Variants in CSMD1 observed in about 807,000 individuals in gnomAD.
The protein encoded by CSMD1 is CUB and sushi domain-containing protein 1.
In CSMD1, 213 loss-of-function variants were observed where a neutral mutation model predicts 417.5. The observed-to-expected ratio is 0.51, with a 90% CI of 0.46 to 0.57. The LOEUF (loss-of-function observed/expected upper bound fraction) is 0.57. Among genes scored for constraint, CSMD1 ranks in the 20% least tolerant of loss-of-function variants. The pLI, the probability that CSMD1 is intolerant of heterozygous loss-of-function variation, is 0.00. For synonymous variants in CSMD1, 2,862 were observed against 1,736.8 expected (o/e 1.65, Z -16.11); for missense variants, 6,923 against 4,529.7 (o/e 1.53, Z -15.17).
chr8:3,680,875 T>C (rs1799618957), intron 7 of CSMD1, among the ~76,000 whole-genome samples: 1 of 152,224 alleles, frequency 6.6e-6, no homozygotes, highest in South Asian at 2.1e-4. Context: ...GATGCAAGGC[T>C]GGTTCAATAT....
chr8:3,540,658 T>C (rs1798398813), intron 10 of CSMD1, among the ~76,000 whole-genome samples: 1 of 151,974 alleles, frequency 6.6e-6, no homozygotes, highest in Admixed American at 6.6e-5. Flanking sequence ...ATATCCAGAA[T>C]CTACAAGGAA....
intron 5 of CSMD1, among the ~76,000 whole-genome samples, chr8:3,802,225 A>T (rs1800494383): frequency 6.6e-6 from 1 of 152,188 alleles, no homozygotes; most frequent in South Asian, 2.1e-4. Flanking sequence ...ATTCTTAAAA[A>T]TATACATGAT....
intron 1 of CSMD1, among the ~76,000 whole-genome samples, chr8:4,941,220 AAACATTGT>A (rs1229058942): frequency 6.6e-6 from 1 of 152,224 alleles, no homozygotes; most frequent in Non-Finnish European, 1.5e-5. Flanking sequence ...CAAAACAACA[AAACATTGT>A]AACATTGTAA....
chr8:3,447,902 C>T (rs1040563708), intron 12 of CSMD1, among the ~76,000 whole-genome samples: 1 of 152,092 alleles, frequency 6.6e-6, no homozygotes, highest in Non-Finnish European at 1.5e-5. Context: ...AGCAATGTAA[C>T]CCCAGAGGAG....
rs1014879996 is a variant in CSMD1, at chr8:3,850,332, C to G, written c.819-96290G>C. Among the ~76,000 whole-genome samples the G allele has an allele frequency of 8.1e-5, 12 of 147,754 alleles. No homozygotes were observed. The East Asian group carries it at 2.3e-3, about 29-fold the overall frequency. ...CTTTGTTTTCCATAGGGTCTCACCC[C>G]TGACTCTTTCTACTATCCTTGCCTT... On this transcript the variant is annotated intron_variant, in intron 5 of 69. Coordinates refer to ENST00000635120, the MANE Select transcript of CSMD1 (RefSeq NM_033225.6).
rs529724206 is a variant in CSMD1 at position 3,734,554 on chromosome 8, T to C, written c.931+19376A>G. 3.0e-4 allele frequency among the ~76,000 whole-genome samples: 45 copies of C among 152,200 alleles called. 1 individual carries two copies. In the South Asian group the frequency reaches 9.1e-3, roughly 31 times the overall value. ...GGTGAAACCCTGTCTCTACTAAAAA[T>C]ACCCAAAATAGCTAGGCCTGGTGGC... On this transcript the variant is annotated intron_variant, in intron 6 of 69. Transcript: ENST00000635120.
chr8:3,656,136 C>A (rs763459505), intron 7 of CSMD1, among the ~76,000 whole-genome samples: 2 of 152,074 alleles, frequency 1.3e-5, no homozygotes, highest in Non-Finnish European at 2.9e-5. Context: ...CTCATTGGGG[C>A]GAAAGCCTCT....
chr8:4,395,486 C>G (rs1283747992), intron 3 of CSMD1, among the ~76,000 whole-genome samples: 1 of 150,694 alleles, frequency 6.6e-6, no homozygotes, highest in East Asian at 1.9e-4. Flanking sequence ...ATGAAGAATA[C>G]AAATCTCCAC....
intron 3 of CSMD1, among the ~76,000 whole-genome samples, chr8:4,086,846 T>G (rs949621252): frequency 1.3e-5 from 2 of 152,170 alleles, no homozygotes; most frequent in South Asian, 4.1e-4. Context: ...TTGTCAAATT[T>G]CATCACGTTT....
chr8:2,951,359 C>G (rs762646962), intron 65 of CSMD1, 84 bp from the exon 66 acceptor site: 106 of 1,375,814 alleles, frequency 7.7e-5, no homozygotes, highest in Middle Eastern at 1.8e-4. Context: ...AGGCATCATA[C>G]TGCTTAGCGA....
chr8:4,048,073 G>T (rs1243034879), intron 3 of CSMD1, among the ~76,000 whole-genome samples: 1 of 152,126 alleles, frequency 6.6e-6, no homozygotes. Flanking sequence ...AATATTTTGT[G>T]CATTCCTAAT....
intron 3 of CSMD1, among the ~76,000 whole-genome samples, chr8:4,414,754 A>C (rs979953360): frequency 3.3e-5 from 5 of 152,172 alleles, no homozygotes; most frequent in Non-Finnish European, 5.9e-5. Context: ...TCAGATTTTT[A>C]TCCAAAAATA....
chr8:4,606,200 C>T lies in CSMD1; in HGVS notation c.302+31142G>A, dbSNP rs1165470313. On this transcript the variant is annotated intron_variant, in intron 2 of 69. Coordinates refer to ENST00000635120, the MANE Select transcript of CSMD1 (RefSeq NM_033225.6). ...TCACTGGGCACTGCACTCCACTCAG[C>T]ACGCCTTGCAGGTCTAAGAGTTGGA... Among the ~76,000 whole-genome samples, 5 of 152,314 alleles carry T rather than the reference C, an allele frequency of 3.3e-5. No individual in the cohort carries two copies. In the East Asian group the frequency reaches 9.7e-4, roughly 29 times the overall value.
At chr8:4,396,853 T>C (rs1052144136) in intron 3 of CSMD1, among the ~76,000 whole-genome samples, 3 of 151,866 alleles carry the variant, frequency 2.0e-5, no homozygotes, top group African/African-American at 7.3e-5. Context: ...GGCATAAGAA[T>C]GATACAACAA....
chr8:3,756,558 G>A (rs1434154868), intron 5 of CSMD1, among the ~76,000 whole-genome samples: 5 of 151,990 alleles, frequency 3.3e-5, no homozygotes, highest in Non-Finnish European at 7.4e-5. Context: ...TATATACATA[G>A]CTAATAGTAT....
intron 3 of CSMD1, among the ~76,000 whole-genome samples, chr8:4,316,624 G>C (rs966399380): frequency 1.3e-5 from 2 of 151,932 alleles, no homozygotes; most frequent in Admixed American, 6.6e-5. Context: ...ACCCGTGACA[G>C]AAGGTGAACG....
intron 3 of CSMD1, among the ~76,000 whole-genome samples, chr8:4,283,801 G>A (rs947579558): frequency 4.0e-5 from 6 of 151,760 alleles, no homozygotes; most frequent in African/African-American, 9.7e-5. Flanking sequence ...AAAAAAATCC[G>A]CTTTACCCAC....
In CSMD1 at chr8:3,396,187, A is replaced by G. The variant is rs1811687038; in HGVS notation, c.2593+7T>C. The G allele has an allele frequency of 7.1e-6, 11 of 1,555,750 alleles. No individual in the cohort carries two copies. Among genetic ancestry groups the G allele is most frequent in the Non-Finnish European group, 9.6e-6 (11 of 1,149,814 alleles). On this transcript the variant is annotated splice_region_variant and intron_variant, in intron 17 of 69. Coordinates refer to ENST00000635120, the MANE Select transcript of CSMD1 (RefSeq NM_033225.6). ...CTGCCGGGCTGTCAAGGGAAGGTGC[A>G]ACTCACTCTCATAGTGGATGAGGAA...
intron 3 of CSMD1, among the ~76,000 whole-genome samples, chr8:4,228,705 A>T (rs1221040617): frequency 6.7e-6 from 1 of 149,996 alleles, no homozygotes; most frequent in Non-Finnish European, 1.5e-5. Context: ...TTTTCTTGAG[A>T]TGGAGTCTAC....
Sources: allele counts gnomAD v4.1 joint callset (sites outside exome capture counted in the v4.1 genomes callset), GRCh38; gene constraint gnomAD v4.1.1; transcripts MANE v1.5; gene names NCBI Gene and HGNC (gene_info 2026-07-23, HGNC 2026-07-21).